ENTREP2: variants seen among roughly 807,000 people sequenced by gnomAD.
ENTREP2 encodes protein ENTREP2.
At chr15:29,408,591 A>G in the ENTREP2 span, among the ~76,000 whole-genome samples, 2 of 152,142 alleles carry the variant, frequency 1.3e-5, no homozygotes, top group African/African-American at 4.8e-5. Flanking sequence ...TGCAATGATG[A>G]TTCTACTTCC....
the ENTREP2 span, among the ~76,000 whole-genome samples, chr15:29,318,319 T>A: frequency 6.6e-6 from 1 of 152,110 alleles, no homozygotes; most frequent in African/African-American, 2.4e-5. Flanking sequence ...GTACACTTTT[T>A]TTTTTGTTTT....
the ENTREP2 span, among the ~76,000 whole-genome samples, chr15:29,194,815 C>T: frequency 2.6e-5 from 4 of 152,154 alleles, no homozygotes; most frequent in African/African-American, 7.2e-5. Context: ...TGAGTGAAGG[C>T]GTTCAAGGGG....
the ENTREP2 span, among the ~76,000 whole-genome samples, chr15:29,564,095 G>T: frequency 1.3e-5 from 2 of 152,100 alleles, no homozygotes; most frequent in African/African-American, 2.4e-5. Flanking sequence ...TTAGGAGGAA[G>T]TTCCCAATAG....
the ENTREP2 span, among the ~76,000 whole-genome samples, chr15:29,446,975 G>A: frequency 6.6e-6 from 1 of 151,940 alleles, no homozygotes; most frequent in African/African-American, 2.4e-5. Flanking sequence ...ATCCCTTTTC[G>A]AGGTCAACTG....
At chr15:29,356,479 A>G in the ENTREP2 span, among the ~76,000 whole-genome samples, 59 of 150,376 alleles carry the variant, frequency 3.9e-4, no homozygotes, top group Non-Finnish European at 7.0e-4. Context: ...CTAATTTTTT[A>G]TATTTTTAGT....
the ENTREP2 span, among the ~76,000 whole-genome samples, chr15:29,186,241 C>T: frequency 6.6e-6 from 1 of 152,248 alleles, no homozygotes. Flanking sequence ...GCAGAGACCA[C>T]ACAGCTGGAA....
chr15:29,611,181 G>A, the ENTREP2 span: 1 of 151,916 alleles, frequency 6.6e-6, no homozygotes, highest in Non-Finnish European at 1.5e-5. Flanking sequence ...GTGCTTTCTT[G>A]TCTAAACTCC....
At chr15:29,606,737 T>C in the ENTREP2 span, among the ~76,000 whole-genome samples, 1 of 152,126 alleles carries the variant, frequency 6.6e-6, no homozygotes, top group African/African-American at 2.4e-5. Flanking sequence ...AATGATTTTT[T>C]TTTTCTTAAG....
chr15:29,141,973 T>C, the ENTREP2 span, among the ~76,000 whole-genome samples: 8 of 152,050 alleles, frequency 5.3e-5, no homozygotes, highest in African/African-American at 1.7e-4. Flanking sequence ...CATAAGGAAA[T>C]AGGGATGCAG....
the ENTREP2 span, among the ~76,000 whole-genome samples, chr15:29,674,523 C>A: frequency 6.6e-6 from 1 of 152,154 alleles, no homozygotes; most frequent in Non-Finnish European, 1.5e-5. Flanking sequence ...CCGCCTCGGC[C>A]TCCCAAAGTG....
chr15:29,468,473 G>A, the ENTREP2 span, among the ~76,000 whole-genome samples: 1 of 152,086 alleles, frequency 6.6e-6, no homozygotes, highest in Non-Finnish European at 1.5e-5. Context: ...TAGGCGGGGT[G>A]GTGGCGCATG....
At chr15:29,671,915 A>T in the ENTREP2 span, among the ~76,000 whole-genome samples, 857 of 152,280 alleles carry the variant, frequency 5.6e-3, 7 homozygotes, top group African/African-American at 0.02. Flanking sequence ...AGTGGCACAG[A>T]ATTGGCAGTG....
chr15:29,642,708 G>GTT, the ENTREP2 span, among the ~76,000 whole-genome samples: 6 of 151,906 alleles, frequency 3.9e-5, no homozygotes, highest in Middle Eastern at 3.2e-3. Flanking sequence ...TGCCTCCCAG[G>GTT]TTCAAGCGAT....
At chr15:29,476,503 C>A in the ENTREP2 span, among the ~76,000 whole-genome samples, 1 of 152,194 alleles carries the variant, frequency 6.6e-6, no homozygotes, top group Non-Finnish European at 1.5e-5. Context: ...ATGGGGCCCA[C>A]AAAGAGAAAG....
At chr15:29,491,053 G>A in the ENTREP2 span, among the ~76,000 whole-genome samples, 3 of 152,308 alleles carry the variant, frequency 2.0e-5, no homozygotes, top group Non-Finnish European at 2.9e-5. Flanking sequence ...GCGAGAATTC[G>A]AGTGTGGCAC....
the ENTREP2 span, among the ~76,000 whole-genome samples, chr15:29,299,610 G>GA: frequency 6.6e-6 from 1 of 152,012 alleles, no homozygotes; most frequent in Non-Finnish European, 1.5e-5. Context: ...GCCTCCCTAT[G>GA]AAAAATCAAA....
At chr15:29,326,070 A>G in the ENTREP2 span, among the ~76,000 whole-genome samples, 4 of 152,278 alleles carry the variant, frequency 2.6e-5, no homozygotes, top group African/African-American at 9.6e-5. Flanking sequence ...CAAACTAAGA[A>G]CAAAGATGAT....
At chr15:29,595,209 C>T in the ENTREP2 span, among the ~76,000 whole-genome samples, 114 of 151,970 alleles carry the variant, frequency 7.5e-4, no homozygotes, top group Middle Eastern at 0.01. Context: ...GCTGAGTTCG[C>T]GCCACTACGC....
chr15:29,548,828 T>C, the ENTREP2 span, among the ~76,000 whole-genome samples: 1 of 152,210 alleles, frequency 6.6e-6, no homozygotes. Context: ...TATACACTTG[T>C]AATATTTGAT....
Sources: allele counts gnomAD v4.1 joint callset (sites outside exome capture counted in the v4.1 genomes callset), GRCh38; gene constraint gnomAD v4.1.1; transcripts MANE v1.5; gene names NCBI Gene and HGNC (gene_info 2026-07-23, HGNC 2026-07-21).